Variants in RESF1 observed in about 807,000 individuals in gnomAD.
The protein encoded by RESF1 is gonad expressed transcript.
Under a neutral mutation model 134.7 loss-of-function variants are expected in RESF1, and 65 were observed. The observed-to-expected ratio is 0.48, with a 90% CI of 0.40 to 0.59. The LOEUF is 0.59. Ranked by LOEUF, RESF1 falls within the 20% of genes least tolerant of loss-of-function variation. RESF1 has a pLI of 0.00. For synonymous variants in RESF1, 762 were observed against 702.2 expected, an observed-to-expected ratio of 1.09 and a Z score of -1.35; for missense variants, 2,274 against 2,002.7, an observed-to-expected ratio of 1.14 and a Z score of -2.59.
In RESF1 at chr12:31,985,764, A is replaced by G; in HGVS notation, c.4809A>G (p.Ser1603=). The G allele has an allele frequency of 1.3e-6, 2 of 1,574,964 alleles. No individual in the cohort carries two copies. The highest frequency in any genetic ancestry group is 1.7e-6 in the Non-Finnish European group (2 of 1,166,752). The change falls in exon 4 of 6, where the codon TCA becomes TCG. Residue 1603 remains serine (S), a synonymous_variant. Transcript: ENST00000312561. ...TTTCTCTCACCAAATTAGAAAGTTCACCCAGGAAGCTTCATAAAGATAAGA... is the reference window on the plus strand; with the variant it reads ...TTTCTCTCACCAAATTAGAAAGTTCGCCCAGGAAGCTTCATAAAGATAAGA... ...ESISLTKLES[S]PRKLHKDKRQ...
chr12:31,986,957 A>C (rs1352154278), intron 4 of RESF1, among the ~76,000 whole-genome samples: 1 of 152,192 alleles, frequency 6.6e-6, no homozygotes, highest in Non-Finnish European at 1.5e-5. Context: ...GGGGCAATGT[A>C]GTTTTCTATC....
At chr12:31,968,969 C>T (rs1488782307) in intron 2 of RESF1, among the ~76,000 whole-genome samples, 1 of 152,122 alleles carries the variant, frequency 6.6e-6, no homozygotes, top group Non-Finnish European at 1.5e-5. Flanking sequence ...TGAGACAGAT[C>T]TTGCTGTGTC....
intron 2 of RESF1, among the ~76,000 whole-genome samples, chr12:31,965,479 C>T (rs1480309681): frequency 6.6e-6 from 1 of 152,200 alleles, no homozygotes; most frequent in East Asian, 1.9e-4. Flanking sequence ...CCCCCGCTCC[C>T]ACCCTGTGGA....
chr12:31,987,076 A>G, intron 4 of RESF1, 163 bp from the exon 5 acceptor site: 1 of 541,734 alleles, frequency 1.8e-6, no homozygotes. Context: ...TAAGCATTTC[A>G]AATAGAAATC....
At chr12:31,967,917 A>G (rs955909568) in intron 2 of RESF1, among the ~76,000 whole-genome samples, 2 of 152,218 alleles carry the variant, frequency 1.3e-5, no homozygotes, top group African/African-American at 4.8e-5. Flanking sequence ...GGGCTTAGAA[A>G]AATGGATTCT....
chr12:31,961,897 A>G (rs779159519), intron 2 of RESF1, among the ~76,000 whole-genome samples: 3 of 152,286 alleles, frequency 2.0e-5, no homozygotes, highest in South Asian at 4.1e-4. Flanking sequence ...TTGGAGCTCA[A>G]ATGCTTAGGG....
rs367942564 is a variant in RESF1 at position 31,992,373 on chromosome 12, C to T, written c.5087-5C>T. The stretch of plus-strand genomic sequence containing the variant: ...TAAAGTAAGTAAAGTTTTTATTTCC[C>T]TTAGATAATGTTAATTCAAGACTCT... On this transcript the variant is annotated splice_region_variant and splice_polypyrimidine_tract_variant and intron_variant, in intron 5 of 5. Transcript: ENST00000312561. 3 of 1,603,146 alleles carry T rather than the reference C, an allele frequency of 1.9e-6. No homozygotes were observed. The highest frequency in any genetic ancestry group is 2.6e-6 in the Non-Finnish European group (3 of 1,174,666).
At chr12:31,967,250 T>G (rs1322113722) in intron 2 of RESF1, among the ~76,000 whole-genome samples, 1 of 152,184 alleles carries the variant, frequency 6.6e-6, no homozygotes, top group Non-Finnish European at 1.5e-5. Flanking sequence ...CTGACTGCAG[T>G]TACAGAAGCA....
chr12:31,978,554 T>C (rs961520259), intron 3 of RESF1, among the ~76,000 whole-genome samples: 6 of 151,902 alleles, frequency 3.9e-5, no homozygotes, highest in Admixed American at 2.0e-4. Context: ...TTGTTTTTTG[T>C]TTTTTGTTTT....
intron 2 of RESF1, among the ~76,000 whole-genome samples, chr12:31,963,021 C>A (rs1204689317): frequency 1.3e-5 from 2 of 151,864 alleles, no homozygotes; most frequent in Non-Finnish European, 2.9e-5. Context: ...GAGCTGAGAT[C>A]GCGCCACTGT....
At chr12:31,963,133 A>G (rs1243689288) in intron 2 of RESF1, among the ~76,000 whole-genome samples, 1 of 152,140 alleles carries the variant, frequency 6.6e-6, no homozygotes, top group Non-Finnish European at 1.5e-5. Flanking sequence ...TGGGAGGCCA[A>G]GGCAGGTGGA....
chr12:31,972,865 T>C (rs1411230370), intron 3 of RESF1, among the ~76,000 whole-genome samples: 3 of 152,198 alleles, frequency 2.0e-5, no homozygotes, highest in Admixed American at 1.3e-4. Context: ...TAATTACATT[T>C]ACCTCTAATG....
chr12:31,982,460 C>G lies in RESF1; in HGVS notation c.1505C>G (p.Ser502Cys). The G allele has an allele frequency of 5.6e-6, 9 of 1,613,810 alleles. No individual in the cohort carries two copies. The highest frequency in any genetic ancestry group is 7.6e-6 in the Non-Finnish European group (9 of 1,180,024). ...VNCRRFNQVD[S>C]VLPNPVYSEK... is the part of the protein sequence containing the mutation. ...TGCAGAAGGTTTAACCAAGTTGATT[C>G]TGTTTTACCAAATCCTGTCTATTCT... Residue 502 changes from serine to cysteine, a missense_variant, in exon 4 of 6, where the codon TCT becomes TGT. Ser to Cys is a moderately radical substitution (Grantham distance 112, BLOSUM62 -1). Transcript: ENST00000312561.
rs756631544 is a variant in RESF1 at position 31,982,711 on chromosome 12, G to A, written c.1756G>A (p.Ala586Thr). ...KIQNENMLLL[A>T]LLSQARKTQK... Reference sequence around the variant, plus strand: ...TCAAAATGAAAATATGCTACTTCTCGCTTTGCTTTCACAGGCACGTAAGAC... The same window carrying A: ...TCAAAATGAAAATATGCTACTTCTCACTTTGCTTTCACAGGCACGTAAGAC... Residue 586 changes from alanine (A) to threonine (T), a missense_variant, in exon 4 of 6, where the codon GCT becomes ACT. Ala to Thr is a moderately conservative substitution (Grantham distance 58, BLOSUM62 0). Coordinates refer to ENST00000312561, the MANE Select transcript of RESF1 (RefSeq NM_018169.4). The A allele has an allele frequency of 1.3e-5, 21 of 1,613,662 alleles. No individual in the cohort carries two copies. Among genetic ancestry groups the A allele is most frequent in the South Asian group, 3.3e-5 (3 of 91,076 alleles).
At chr12:31,962,803 G>A (rs1939307634) in intron 2 of RESF1, among the ~76,000 whole-genome samples, 3 of 152,192 alleles carry the variant, frequency 2.0e-5, no homozygotes, top group Admixed American at 2.0e-4. Context: ...TACTTTTAAA[G>A]TTCATGGATC....
At chr12:31,990,293 C>A (rs961936402) in intron 5 of RESF1, among the ~76,000 whole-genome samples, 1 of 152,036 alleles carries the variant, frequency 6.6e-6, no homozygotes, top group Admixed American at 6.5e-5. Context: ...AAACACAAAC[C>A]AGGTACACTA....
At chr12:31,967,508 G>A (rs1213900358) in intron 2 of RESF1, among the ~76,000 whole-genome samples, 1 of 152,152 alleles carries the variant, frequency 6.6e-6, no homozygotes, top group Non-Finnish European at 1.5e-5. Flanking sequence ...TTATAGACAT[G>A]ATGGGATGGG....
chr12:31,977,340 C>A (rs151320342), intron 3 of RESF1, among the ~76,000 whole-genome samples: 222 of 152,166 alleles, frequency 1.5e-3, no homozygotes, highest in African/African-American at 5.1e-3. Context: ...GCCACCACAT[C>A]CGGCTAATTT....
intron 5 of RESF1, among the ~76,000 whole-genome samples, chr12:31,988,354 C>T (rs1480518038): frequency 6.6e-6 from 1 of 151,998 alleles, no homozygotes; most frequent in Admixed American, 6.6e-5. Flanking sequence ...ATTAATACAA[C>T]CATAAAAATA....
Sources: gnomAD v4.1 joint callset for allele counts (sites outside exome capture counted in the v4.1 genomes callset) on GRCh38, gnomAD v4.1.1 for gene constraint, MANE v1.5 for transcripts, NCBI Gene and HGNC (gene_info 2026-07-23, HGNC 2026-07-21) for gene names.